MEOX2: variants seen among roughly 807,000 people sequenced by gnomAD.
The protein encoded by MEOX2 is mesenchyme homeobox 2.
Under a neutral mutation model 27.0 loss-of-function variants are expected in MEOX2, and 11 were observed. The observed-to-expected ratio is 0.41, with a 90% CI of 0.26 to 0.68. The LOEUF (loss-of-function observed/expected upper bound fraction) is 0.68, where lower values mean the gene tolerates loss of function less well. MEOX2 is among the 30% of genes least tolerant of loss of function. The pLI, the probability that MEOX2 is intolerant of heterozygous loss-of-function variation, is 0.33. For synonymous variants in MEOX2, 189 were observed against 155.4 expected, an observed-to-expected ratio of 1.22 and a Z score of -1.61; for missense variants, 436 against 385.4, an observed-to-expected ratio of 1.13 and a Z score of -1.10.
intron 2 of MEOX2, among the ~76,000 whole-genome samples, chr7:15,613,635 A>G (rs555624265): frequency 6.6e-6 from 1 of 152,130 alleles, no homozygotes; most frequent in East Asian, 1.9e-4. Context: ...AAGAAAACAA[A>G]TTTTTTTCAT....
At chr7:15,657,826 T>C (rs1189722335) in intron 1 of MEOX2, among the ~76,000 whole-genome samples, 1 of 152,232 alleles carries the variant, frequency 6.6e-6, no homozygotes, top group Non-Finnish European at 1.5e-5. Flanking sequence ...TGTATGGTAC[T>C]CTTATTTAAA....
chr7:15,653,800 CA>C (rs1325768697), intron 1 of MEOX2, among the ~76,000 whole-genome samples: 1 of 151,864 alleles, frequency 6.6e-6, no homozygotes, highest in East Asian at 1.9e-4. Context: ...CCACCAATAC[CA>C]CACAGTTTTG....
chr7:15,677,462 G>C (rs1449190861), intron 1 of MEOX2: 1 of 152,182 alleles, frequency 6.6e-6, no homozygotes, highest in East Asian at 1.9e-4. Flanking sequence ...TTGACTCTTA[G>C]GGTTGCATCC....
intron 1 of MEOX2, among the ~76,000 whole-genome samples, chr7:15,671,866 G>A (rs571975607): frequency 6.6e-6 from 1 of 152,130 alleles, no homozygotes; most frequent in Admixed American, 6.5e-5. Flanking sequence ...AGACCAGCCT[G>A]GCCAATATGG....
chr7:15,658,438 G>A (rs1781859188), intron 1 of MEOX2, among the ~76,000 whole-genome samples: 1 of 152,118 alleles, frequency 6.6e-6, no homozygotes, highest in Non-Finnish European at 1.5e-5. Context: ...CTGGATCTTT[G>A]TCTAAAAACA....
chr7:15,614,219 TAAAA>T, intron 2 of MEOX2, among the ~76,000 whole-genome samples: 1 of 16,164 alleles, frequency 6.2e-5, no homozygotes, highest in East Asian at 5.3e-3. Context: ...TAAAATAAAA[TAAAA>T]TAAAATAAAA....
chr7:15,672,840 C>T (rs1003064030), intron 1 of MEOX2, among the ~76,000 whole-genome samples: 6 of 150,124 alleles, frequency 4.0e-5, no homozygotes, highest in South Asian at 2.1e-4. Flanking sequence ...TGCAGTGAGC[C>T]GAGATCGTGC....
intron 1 of MEOX2, among the ~76,000 whole-genome samples, chr7:15,633,652 T>C (rs1779313827): frequency 6.6e-6 from 1 of 151,922 alleles, no homozygotes; most frequent in South Asian, 2.1e-4. Context: ...GGACTAGCAT[T>C]TATGCTGTAA....
chr7:15,618,371 T>C (rs1674177301), intron 2 of MEOX2, among the ~76,000 whole-genome samples: 1 of 152,040 alleles, frequency 6.6e-6, no homozygotes, highest in African/African-American at 2.4e-5. Context: ...TATTGTGTTA[T>C]AAAATTACTG....
chr7:15,612,564 C>A lies in MEOX2; in HGVS notation c.738G>T (p.Lys246Asn), dbSNP rs1364657336. Residue 246 changes from lysine (K) to asparagine (N), a missense_variant, in exon 3 of 3, where the codon AAG becomes AAT. By Grantham distance (94) the Lys-to-Asn change is moderately conservative. Coordinates refer to ENST00000262041, the MANE Select transcript of MEOX2 (RefSeq NM_005924.5). Reference protein sequence around the residue: ...QNRRMKWKRVKGGQQGAAARE... With the variant: ...QNRRMKWKRVNGGQQGAAARE... Reference sequence around the variant, plus strand: ...GAGCCGCAGCTCCTTGCTGTCCACCCTTTACCCTCTTCCACTTCATCCGCC... The same window carrying A: ...GAGCCGCAGCTCCTTGCTGTCCACCATTTACCCTCTTCCACTTCATCCGCC... The A allele has an allele frequency of 1.2e-6, 2 of 1,614,036 alleles. No homozygotes were observed. Among genetic ancestry groups the A allele is most frequent in the East Asian group, 4.5e-5 (2 of 44,878 alleles).
At chr7:15,632,808 C>T (rs1781423280) in intron 1 of MEOX2, among the ~76,000 whole-genome samples, 1 of 151,824 alleles carries the variant, frequency 6.6e-6, no homozygotes, top group South Asian at 2.1e-4. Context: ...TTACAGAGCC[C>T]AGAATTGACT....
chr7:15,634,061 A>G, intron 1 of MEOX2, among the ~76,000 whole-genome samples: 1 of 151,936 alleles, frequency 6.6e-6, no homozygotes, highest in Non-Finnish European at 1.5e-5. Flanking sequence ...TCTTCATTCT[A>G]TATTTATAAC....
At chr7:15,668,212 TC>T (rs1285112286) in intron 1 of MEOX2, 3 of 152,246 alleles carry the variant, frequency 2.0e-5, no homozygotes, top group African/African-American at 7.2e-5. Flanking sequence ...CTTTGCCTTC[TC>T]TTGCTCCTTC....
At chr7:15,666,683 C>T (rs1411992823) in intron 1 of MEOX2, among the ~76,000 whole-genome samples, 12 of 132,644 alleles carry the variant, frequency 9.0e-5, no homozygotes, top group East Asian at 2.3e-4. Context: ...ACCTGGGAGG[C>T]GGAGGTTGCA....
At chr7:15,620,887 A>G (rs2115356398) in intron 2 of MEOX2, among the ~76,000 whole-genome samples, 1 of 152,270 alleles carries the variant, frequency 6.6e-6, no homozygotes, top group East Asian at 1.9e-4. Flanking sequence ...TCTGTGAAAA[A>G]GATGTTTTGA....
chr7:15,679,181 G>A (rs1010392259), intron 1 of MEOX2: 9 of 152,006 alleles, frequency 5.9e-5, no homozygotes, highest in Non-Finnish European at 1.3e-4. Context: ...AGTAATGCAT[G>A]CATATATATG....
At chr7:15,637,900 T>C (rs922125753) in intron 1 of MEOX2, among the ~76,000 whole-genome samples, 1 of 152,048 alleles carries the variant, frequency 6.6e-6, no homozygotes. Flanking sequence ...ATATCTGAGA[T>C]ATAGTATCAA....
At chr7:15,652,447 T>C (rs1781746435) in intron 1 of MEOX2, among the ~76,000 whole-genome samples, 1 of 152,046 alleles carries the variant, frequency 6.6e-6, no homozygotes, top group South Asian at 2.1e-4. Context: ...AGAAGTATTT[T>C]CCATTTTGAA....
chr7:15,662,076 C>A, intron 1 of MEOX2, among the ~76,000 whole-genome samples: 1 of 95,416 alleles, frequency 1.0e-5, no homozygotes, highest in Non-Finnish European at 1.9e-5. Flanking sequence ...TTCCCCCACC[C>A]CCCACCCTAC....
Sources: gnomAD v4.1 joint callset for allele counts (sites outside exome capture counted in the v4.1 genomes callset) on GRCh38, gnomAD v4.1.1 for gene constraint, MANE v1.5 for transcripts, NCBI Gene and HGNC (gene_info 2026-07-23, HGNC 2026-07-21) for gene names.